PDE2A: variants seen among roughly 807,000 people sequenced by gnomAD.
The protein encoded by PDE2A is phosphodiesterase 2A.
In PDE2A, 53 loss-of-function variants were observed where a neutral mutation model predicts 133.6. The ratio of observed to expected loss-of-function variants is 0.40; its 90% CI spans 0.32 to 0.50. The LOEUF is 0.50. PDE2A is among the 20% of genes least tolerant of loss of function. PDE2A has a pLI of 0.73. For synonymous variants in PDE2A, 491 were observed against 490.2 expected, an observed-to-expected ratio of 1.00 and a Z score of -0.02; for missense variants, 796 against 1,232.4, an observed-to-expected ratio of 0.65 and a Z score of 5.30.
chr11:72,664,508 G>A (rs12293769), intron 1 of PDE2A, among the ~76,000 whole-genome samples: 39,198 of 149,754 alleles, frequency 0.26, 5,255 homozygotes, highest in South Asian at 0.34. Flanking sequence ...CGAGTAGCTG[G>A]GACTACAGGC....
At chr11:72,618,441 C>T (rs1002877746) in intron 2 of PDE2A, among the ~76,000 whole-genome samples, 11 of 152,222 alleles carry the variant, frequency 7.2e-5, no homozygotes, top group Non-Finnish European at 1.5e-4. Flanking sequence ...CTCCCGTCCC[C>T]CTCACAGAGC....
At chr11:72,632,436 G>A (rs894119762) in intron 2 of PDE2A, among the ~76,000 whole-genome samples, 20 of 152,278 alleles carry the variant, frequency 1.3e-4, no homozygotes, top group Admixed American at 1.3e-3. Context: ...CTCCGGCAGT[G>A]ACTGTGGTGT....
intron 2 of PDE2A, among the ~76,000 whole-genome samples, chr11:72,635,103 A>T (rs982977997): frequency 5.3e-5 from 8 of 152,152 alleles, no homozygotes; most frequent in African/African-American, 1.9e-4. Flanking sequence ...CCCAGTCTGA[A>T]ATGGTTAAGG....
At chr11:72,642,811 G>A (rs534779854) in intron 1 of PDE2A, among the ~76,000 whole-genome samples, 23 of 152,128 alleles carry the variant, frequency 1.5e-4, no homozygotes, top group African/African-American at 5.1e-4. Context: ...GCGCAGTGGG[G>A]TGGGGTGGGG....
chr11:72,640,398 C>T (rs911828504), intron 2 of PDE2A, among the ~76,000 whole-genome samples: 1 of 151,950 alleles, frequency 6.6e-6, no homozygotes. Flanking sequence ...CCCATATGCA[C>T]GTGTACATGC....
chr11:72,578,364 T>C lies in PDE2A; in HGVS notation c.2509-25A>G. 6.3e-7 allele frequency: 1 copy of C among 1,588,360 alleles called. No homozygotes were observed. The highest frequency in any genetic ancestry group is 8.6e-7 in the Non-Finnish European group (1 of 1,156,618). On this transcript the variant is annotated intron_variant, in intron 29 of 30. Transcript: ENST00000334456. The surrounding 1 kb of genome is among the most constrained non-coding windows in gnomAD (Gnocchi z 4.2). ...CCTGCAGGCATCGAGTCGTCAGGCC[T>C]GTCCCTCTCATTCCTCCATCGGGTA...
In PDE2A at chr11:72,590,298, G is replaced by A. The variant is rs577042674; in HGVS notation, c.704-54C>T. 6.5e-7 allele frequency: 1 copy of A among 1,542,036 alleles called. No individual in the cohort carries two copies. Among genetic ancestry groups the A allele is most frequent in the East Asian group, 2.4e-5 (1 of 40,860 alleles). ...AGGGCCCCTCCGCACCTCCGTGTCC[G>A]GGTCCCTCAGGCGCCGCTCAGCTCC... On this transcript the variant is annotated intron_variant, in intron 8 of 30. Coordinates refer to ENST00000334456, the MANE Select transcript of PDE2A (RefSeq NM_002599.5). This position sits in a 1 kb window ranked among gnomAD's most constrained non-coding sequence, Gnocchi z 4.8.
chr11:72,634,185 GGCAGA>G (rs1858563926), intron 2 of PDE2A, among the ~76,000 whole-genome samples: 1 of 152,134 alleles, frequency 6.6e-6, no homozygotes, highest in South Asian at 2.1e-4. Flanking sequence ...GGAAGCGGGT[GGCAGA>G]GTCACGACAG....
chr11:72,580,404 G>A lies in PDE2A; in HGVS notation c.2181+173C>T, dbSNP rs192946674. On this transcript the variant is annotated intron_variant, in intron 25 of 30. Transcript: ENST00000334456. ...CAAATCCTTGCTATCATCCGCACCTGCACCCTTCCAAGCCCACTCCAGGAA... is the reference window on the plus strand; with the variant it reads ...CAAATCCTTGCTATCATCCGCACCTACACCCTTCCAAGCCCACTCCAGGAA... 2.3e-3 allele frequency among the ~76,000 whole-genome samples: 352 copies of A among 152,238 alleles called. 1 individual carries two copies. Among genetic ancestry groups the A allele is most frequent in the African/African-American group, 8.2e-3 (339 of 41,544 alleles).
intron 2 of PDE2A, among the ~76,000 whole-genome samples, chr11:72,633,990 C>G (rs1025711609): frequency 6.6e-6 from 1 of 152,186 alleles, no homozygotes; most frequent in African/African-American, 2.4e-5. Context: ...GGACCTTCCC[C>G]TCTCTGACCT....
intron 3 of PDE2A, among the ~76,000 whole-genome samples, 184 bp downstream of exon 3, chr11:72,608,478 C>A (rs458360): frequency 0.4 from 61,108 of 151,708 alleles, 12,611 homozygotes; most frequent in African/African-American, 0.51. Flanking sequence ...TGCTTAGCTT[C>A]AGGCTTCCTC....
chr11:72,636,094 G>A, intron 2 of PDE2A: 1 of 1,243,182 alleles, frequency 8.0e-7, no homozygotes, highest in South Asian at 1.3e-5. Flanking sequence ...AGACAGGAAA[G>A]GCAGAATGCC....
In PDE2A at chr11:72,578,150, C is replaced by T; in HGVS notation, c.2615+83G>A. ...AGTTGGACCTGGGCCAGGCCAATCT[C>T]AGCACCTGTGTTTCCTGTGATGTCC... On this transcript the variant is annotated intron_variant, in intron 30 of 30. Coordinates refer to ENST00000334456, the MANE Select transcript of PDE2A (RefSeq NM_002599.5). This position sits in a 1 kb window ranked among gnomAD's most constrained non-coding sequence, Gnocchi z 4.2. The T allele has an allele frequency of 2.2e-6, 2 of 894,644 alleles. No individual in the cohort carries two copies. The highest frequency in any genetic ancestry group is 1.7e-5 in the Admixed American group (1 of 58,292). The allele number at this position is 894,644 out of a possible 1,614,324, so 55.4% of individuals were successfully genotyped here.
intron 1 of PDE2A, among the ~76,000 whole-genome samples, chr11:72,667,042 G>C (rs1451141770): frequency 6.6e-6 from 1 of 152,118 alleles, no homozygotes; most frequent in African/African-American, 2.4e-5. Flanking sequence ...GGATGCGGAG[G>C]TTGCGGTGAG....
At position 72,596,457 on chromosome 11, in the gene PDE2A, ATCTCTCTCTCTC is replaced by A. The variant is rs113104892; in HGVS notation, c.489+124_489+135del. 3.2e-3 allele frequency: 520 copies of A among 164,244 alleles called. 1 individual carries two copies. The highest frequency in any genetic ancestry group is 4.3e-3 in the Non-Finnish European group (386 of 90,530). 10.2% of individuals were successfully genotyped at this position (164,244 alleles called of 1,614,324 possible). A position where few individuals can be genotyped will look rare whatever the true frequency, so the allele number is the denominator to read the frequency against. On this transcript the variant is annotated intron_variant, in intron 6 of 30. Coordinates refer to ENST00000334456, the MANE Select transcript of PDE2A (RefSeq NM_002599.5). Reference sequence around the variant, plus strand: ...CACTCCATCCTCGCTTATGGCTCCCATCTCTCTCTCTCTCTCTCTCTCTCTCTCACACACACA... The same window carrying A: ...CACTCCATCCTCGCTTATGGCTCCCATCTCTCTCTCTCTCTCACACACACA...
At chr11:72,591,888 C>T (rs894533957) in intron 6 of PDE2A, among the ~76,000 whole-genome samples, 2 of 152,210 alleles carry the variant, frequency 1.3e-5, no homozygotes, top group African/African-American at 2.4e-5. Context: ...TGATTCTCAC[C>T]ACTGTGATGC....
intron 2 of PDE2A, among the ~76,000 whole-genome samples, chr11:72,627,184 A>G (rs763867792): frequency 5.9e-5 from 9 of 152,212 alleles, no homozygotes; most frequent in Non-Finnish European, 1.3e-4. Flanking sequence ...AGCACCTACC[A>G]TATACCAGGC....
In PDE2A at chr11:72,597,290, G is replaced by A. The variant is rs992486938; in HGVS notation, c.433+220C>T. ...CACCTCCTTGAAACACCCCCTCAAGGTAAATACTATTGTCCCATTTTATAG... is the reference window on the plus strand; with the variant it reads ...CACCTCCTTGAAACACCCCCTCAAGATAAATACTATTGTCCCATTTTATAG... On this transcript the variant is annotated intron_variant, in intron 5 of 30. Coordinates refer to ENST00000334456, the MANE Select transcript of PDE2A (RefSeq NM_002599.5). This position sits in a 1 kb window ranked among gnomAD's most constrained non-coding sequence, Gnocchi z 4.6. Among the ~76,000 whole-genome samples, 4 of 152,092 alleles carry A rather than the reference G, an allele frequency of 2.6e-5. No individual in the cohort carries two copies. Among genetic ancestry groups the A allele is most frequent in the Non-Finnish European group, 5.9e-5 (4 of 68,012 alleles).
intron 2 of PDE2A, among the ~76,000 whole-genome samples, chr11:72,639,262 T>C (rs1345741729): frequency 2.0e-5 from 3 of 152,196 alleles, no homozygotes; most frequent in Non-Finnish European, 4.4e-5. Context: ...GGATGGGGAC[T>C]CTTTCTCCTC....
Sources: allele counts gnomAD v4.1 joint callset (sites outside exome capture counted in the v4.1 genomes callset), GRCh38; gene constraint gnomAD v4.1.1; non-coding constraint Gnocchi (gnomAD v3.1); transcripts MANE v1.5; gene names NCBI Gene and HGNC (gene_info 2026-07-23, HGNC 2026-07-21).